The following HPGD variants were observed in gnomAD, a reference collection of about 807,000 sequenced individuals.
HPGD encodes the protein 15-hydroxyprostaglandin dehydrogenase [NAD(+)].
HPGD carries 29 observed loss-of-function variants against 30.0 expected under a neutral mutation model. That is an observed-to-expected ratio of 0.97 (90% CI 0.72 to 1.32). HPGD has a LOEUF of 1.32. HPGD is among the 40% of genes most tolerant of loss of function. The pLI is 0.00. For synonymous variants in HPGD, 99 were observed against 112.4 expected, an observed-to-expected ratio of 0.88 and a Z score of 0.75; for missense variants, 340 against 322.1, an observed-to-expected ratio of 1.06 and a Z score of -0.43.
At chr4:174,495,771 G>T in intron 4 of HPGD, 147 bp from the exon 5 acceptor site, 1 of 685,368 alleles carries the variant, frequency 1.5e-6, no homozygotes, top group Non-Finnish European at 2.6e-6. Flanking sequence ...AGATAGCTTT[G>T]TGAAACTCAG....
At chr4:174,504,769 C>T (rs11946111) in intron 4 of HPGD, among the ~76,000 whole-genome samples, 3 of 151,774 alleles carry the variant, frequency 2.0e-5, no homozygotes, top group Non-Finnish European at 2.9e-5. Flanking sequence ...GCCGAGATCG[C>T]GCCATTGCAC....
At position 174,522,438 on chromosome 4, in the gene HPGD, C is replaced by T. The variant is rs868773592; in HGVS notation, c.14G>A (p.Gly5Asp). Residue 5 changes from glycine to aspartate, a missense_variant, in exon 1 of 7, where the codon GGC (glycine) becomes GAC (aspartate). Physicochemically the swap from Gly to Asp is moderately conservative, Grantham distance 94. Transcript: ENST00000296522. ...CGCGCCGGTCACCAGCGCCACTTTG[C>T]CGTTCACGTGCATGGTGCAGCCACT... MHVNGKVALVTGAAQ... is the reference protein window; with the variant it reads MHVNDKVALVTGAAQ... 5 of 1,580,764 alleles carry T rather than the reference C, an allele frequency of 3.2e-6. No homozygotes were observed. Among genetic ancestry groups the T allele is most frequent in the South Asian group, 2.3e-5 (2 of 87,086 alleles).
intron 4 of HPGD, among the ~76,000 whole-genome samples, chr4:174,503,362 C>T (rs1161863323): frequency 6.6e-6 from 1 of 152,202 alleles, no homozygotes; most frequent in Non-Finnish European, 1.5e-5. Context: ...ATTACCACTG[C>T]TAATTCCCAC....
Position 174,522,091 on chromosome 4 carries a change from G to T in HPGD, c.94-24C>A, listed in dbSNP as rs375618170. 200 of 1,614,058 alleles carry T rather than the reference G, an allele frequency of 1.2e-4. No individual in the cohort carries two copies. In the African/African-American group the frequency reaches 2.2e-3, roughly 18 times the overall value. ...ACCTATAGACAAGAGGAGAGGAATC[G>T]CGGGCCTGCGCAGCTCACGAAATAG... On this transcript the variant is annotated intron_variant, in intron 1 of 6. Coordinates refer to ENST00000296522, the MANE Select transcript of HPGD (RefSeq NM_000860.6).
At chr4:174,516,343 G>A (rs1167928047) in intron 3 of HPGD, among the ~76,000 whole-genome samples, 1 of 152,122 alleles carries the variant, frequency 6.6e-6, no homozygotes, top group Non-Finnish European at 1.5e-5. Flanking sequence ...GCAGCAACAT[G>A]GATGCAGCTG....
rs1579273566 is a variant in HPGD, at chr4:174,496,741, C to T, written c.422-1117G>A. ...CACCCAGCTAACTATTCCCAGAATG[C>T]CACCAATCATTTGAGGGTGTTGGGC... On this transcript the variant is annotated intron_variant, in intron 4 of 6. Transcript: ENST00000296522. This position sits in a 1 kb window ranked among gnomAD's most constrained non-coding sequence, Gnocchi z 4.6. Among the ~76,000 whole-genome samples, 1 of 152,268 alleles carries T rather than the reference C, an allele frequency of 6.6e-6. No individual in the cohort carries two copies. Among genetic ancestry groups the T allele is most frequent in the East Asian group, 1.9e-4 (1 of 5,186 alleles).
In HPGD at chr4:174,517,978, A is replaced by C. The variant is rs373121766; in HGVS notation, c.317T>G (p.Ile106Ser). 4.6e-6 allele frequency: 7 copies of C among 1,519,510 alleles called. No individual in the cohort carries two copies. The African/African-American group carries it at 9.6e-5, about 21-fold the overall frequency. The allele number at this position is 1,519,510 out of a possible 1,614,324, so 94.1% of individuals were successfully genotyped here. A position where few individuals can be genotyped will look rare whatever the true frequency, so the allele number is the denominator to read the frequency against. ...ATAGCTAAGATAACTCACCAAATTA[A>C]TTTGCAGAGTTTTTTCCCAGTTTTT... ...NEKNWEKTLQ[I>S]NLVSVISGTY... The change falls in exon 3 of 7, where the codon ATT (isoleucine) becomes AGT (serine). Residue 106 changes from isoleucine to serine, a missense_variant. Ile to Ser is a moderately radical substitution (Grantham distance 142). Transcript: ENST00000296522.
intron 1 of HPGD, 126 bp from the exon 2 acceptor site, chr4:174,522,193 G>C (rs1736174482): frequency 6.7e-7 from 1 of 1,483,082 alleles, no homozygotes; most frequent in Non-Finnish European, 9.3e-7. Flanking sequence ...TTCCCTCCCA[G>C]CCACTTCTGA....
At position 174,517,981 on chromosome 4, in the gene HPGD, T is replaced by C. The variant is rs1425164651; in HGVS notation, c.314A>G (p.Gln105Arg). ...NNEKNWEKTL[Q>R]INLVSVISGT... ...GCTAAGATAACTCACCAAATTAATT[T>C]GCAGAGTTTTTTCCCAGTTTTTCTC... Residue 105 changes from glutamine (Q) to arginine (R), a missense_variant, in exon 3 of 7, where the codon CAA (glutamine) becomes CGA (arginine). Physicochemically the swap from Gln to Arg is conservative, Grantham distance 43. Transcript: ENST00000296522. 6.5e-7 allele frequency: 1 copy of C among 1,529,042 alleles called. No individual in the cohort carries two copies. The highest frequency in any genetic ancestry group is 9.1e-7 in the Non-Finnish European group (1 of 1,102,886). The allele number at this position is 1,529,042 out of a possible 1,614,324, so 94.7% of individuals were successfully genotyped here. A position where few individuals can be genotyped will look rare whatever the true frequency, so the allele number is the denominator to read the frequency against.
At chr4:174,495,264 C>T in intron 5 of HPGD, 1 of 414,162 alleles carries the variant, frequency 2.4e-6, no homozygotes. Flanking sequence ...ATAATATTTC[C>T]ATTTGGGGTC....
At position 174,508,041 on chromosome 4, in the gene HPGD, C is replaced by A. The variant is rs761051202; in HGVS notation, c.421+655G>T. ...TGGGCTGGGGTTCTTAAAAGAGTAG[C>A]CATGCCTCCTCCATGTTCTTCTTCT... On this transcript the variant is annotated intron_variant, in intron 4 of 6. Transcript: ENST00000296522. 48 of 686,130 alleles carry A rather than the reference C, an allele frequency of 7.0e-5. 2 individuals carry two copies. In the South Asian group the frequency reaches 7.1e-4, roughly 10 times the overall value. 42.5% of individuals were successfully genotyped at this position (686,130 alleles called of 1,614,324 possible).
chr4:174,515,948 C>A, intron 3 of HPGD, among the ~76,000 whole-genome samples: 1 of 152,064 alleles, frequency 6.6e-6, no homozygotes, highest in Non-Finnish European at 1.5e-5. Context: ...TCACAGCGAT[C>A]AGAATGGCTA....
chr4:174,492,208 G>A lies in HPGD; in HGVS notation c.663-114C>T. The A allele has an allele frequency of 2.1e-6, 2 of 949,076 alleles. No individual in the cohort carries two copies. Among genetic ancestry groups the A allele is most frequent in the Non-Finnish European group, 1.7e-6 (1 of 598,688 alleles). The allele number at this position is 949,076 out of a possible 1,614,324, so 58.8% of individuals were successfully genotyped here. ...TTGAACATGTTATAGGGAAATGTGT[G>A]TCATTAAACTATTGCTACTTCCAAT... On this transcript the variant is annotated intron_variant, in intron 6 of 6. Transcript: ENST00000296522. The surrounding 1 kb of genome is among the most constrained non-coding windows in gnomAD (Gnocchi z 4.9).
At position 174,496,195 on chromosome 4, in the gene HPGD, C is replaced by T. The variant is rs1361940609; in HGVS notation, c.422-571G>A. On this transcript the variant is annotated intron_variant, in intron 4 of 6. Coordinates refer to ENST00000296522, the MANE Select transcript of HPGD (RefSeq NM_000860.6). This position sits in a 1 kb window ranked among gnomAD's most constrained non-coding sequence, Gnocchi z 4.6. ...CTTTTTATTTGATCTATTGTAGATG[C>T]CTAGATCTTTTTGTCCTATGACTTA... Among the ~76,000 whole-genome samples, 1 of 152,112 alleles carries T rather than the reference C, an allele frequency of 6.6e-6. No individual in the cohort carries two copies. Among genetic ancestry groups the T allele is most frequent in the Non-Finnish European group, 1.5e-5 (1 of 68,016 alleles).
At chr4:174,500,863 G>A (rs1216205619) in intron 4 of HPGD, among the ~76,000 whole-genome samples, 1 of 152,144 alleles carries the variant, frequency 6.6e-6, no homozygotes, top group Non-Finnish European at 1.5e-5. Context: ...AACATCAAGA[G>A]TAAACCAGAT....
intron 4 of HPGD, among the ~76,000 whole-genome samples, chr4:174,498,077 T>A (rs1579275921): frequency 6.6e-6 from 1 of 152,140 alleles, no homozygotes; most frequent in African/African-American, 2.4e-5. Context: ...GCCTCCTGAG[T>A]AGCTGGGACT....
intron 3 of HPGD, 137 bp from the exon 4 acceptor site, chr4:174,508,929 G>A (rs763737162): frequency 1.0e-5 from 7 of 673,736 alleles, no homozygotes; most frequent in Non-Finnish European, 1.9e-5. Context: ...TTTTAAAAGA[G>A]CTTTGTTTTT....
At chr4:174,514,971 A>G (rs961271185) in intron 3 of HPGD, among the ~76,000 whole-genome samples, 1 of 152,150 alleles carries the variant, frequency 6.6e-6, no homozygotes, top group African/African-American at 2.4e-5. Flanking sequence ...AAGGTGAAAG[A>G]TCTCTACAAT....
intron 4 of HPGD, among the ~76,000 whole-genome samples, chr4:174,505,428 T>C (rs1004655917): frequency 7.2e-5 from 11 of 152,218 alleles, no homozygotes; most frequent in African/African-American, 2.7e-4. Flanking sequence ...AAGTACTCTG[T>C]TAACTCCTTA....
Sources: allele counts gnomAD v4.1 joint callset (sites outside exome capture counted in the v4.1 genomes callset), GRCh38; gene constraint gnomAD v4.1.1; non-coding constraint Gnocchi (gnomAD v3.1); transcripts MANE v1.5; gene names NCBI Gene and HGNC (gene_info 2026-07-23, HGNC 2026-07-21).